The following ZNF407 variants were observed in gnomAD, a reference collection of about 807,000 sequenced individuals.
ZNF407 encodes the protein zinc finger protein 407.
In ZNF407, 17 loss-of-function variants were observed where a neutral mutation model predicts 131.2. The observed-to-expected ratio is 0.13, with a 90% CI of 0.09 to 0.19. ZNF407 has a LOEUF of 0.19. ZNF407 is among the 10% of genes least tolerant of loss of function. ZNF407 has a pLI of 1.00. For missense variants in ZNF407, 2,681 were observed against 2,830.6 expected (o/e 0.95, Z 1.20); for synonymous variants, 1,156 against 1,062.0 (o/e 1.09, Z -1.72).
rs1170190899 is a variant in ZNF407 at position 74,632,622 on chromosome 18, C to A, written c.1603C>A (p.Gln535Lys). The A allele has an allele frequency of 6.2e-7, 1 of 1,613,860 alleles. No individual in the cohort carries two copies. Among genetic ancestry groups the A allele is most frequent in the Admixed American group, 1.7e-5 (1 of 60,004 alleles). ...GTTGTGTGCTTGTACAGACTGTGGG[C>A]AAGTAGCTACAAATAGGACAGATTT... ...QTLCACTDCG[Q>K]VATNRTDLEI... The change falls in exon 2 of 9, where the codon CAA (glutamine) becomes AAA (lysine). Residue 535 changes from glutamine (Q) to lysine (K), a missense_variant. This residue lies in a region of ZNF407 where 1,789 missense variants were observed against 1,748.7 expected (regional missense o/e 1.02). Transcript: ENST00000299687.
intron 3 of ZNF407, among the ~76,000 whole-genome samples, chr18:74,673,112 A>G (rs1322917440): frequency 6.6e-6 from 1 of 152,166 alleles, no homozygotes; most frequent in Non-Finnish European, 1.5e-5. Context: ...TTCTGCATTC[A>G]ATTGACAGTA....
chr18:75,053,594 GC>G lies in ZNF407; in HGVS notation c.5429-9553del, dbSNP rs1263253734. On this transcript the variant is annotated intron_variant, in intron 8 of 8. Coordinates refer to ENST00000299687, the MANE Select transcript of ZNF407 (RefSeq NM_017757.3). Reference sequence around the variant, plus strand: ...TCCCAGGGGTATGTTATTCTGTAGAGCCCAAGCCACAGATACTCTGCAACTT... The same window carrying G: ...TCCCAGGGGTATGTTATTCTGTAGAGCCAAGCCACAGATACTCTGCAACTT... 2.0e-5 allele frequency among the ~76,000 whole-genome samples: 3 copies of G among 152,278 alleles called. No homozygotes were observed. In the South Asian group the frequency reaches 6.2e-4, roughly 32 times the overall value.
At chr18:74,922,598 A>G (rs1254560184) in intron 8 of ZNF407, among the ~76,000 whole-genome samples, 1 of 152,234 alleles carries the variant, frequency 6.6e-6, no homozygotes, top group Admixed American at 6.5e-5. Context: ...ATTTGAAAAC[A>G]GTTCTGCAGA....
chr18:74,788,590 CT>C (rs1213765449), intron 4 of ZNF407, among the ~76,000 whole-genome samples: 5 of 143,170 alleles, frequency 3.5e-5, no homozygotes, highest in Non-Finnish European at 7.6e-5. Flanking sequence ...AATACTGTTT[CT>C]TTTAGTACAT....
chr18:74,888,785 G>T (rs1489294455), intron 6 of ZNF407, among the ~76,000 whole-genome samples: 2 of 152,170 alleles, frequency 1.3e-5, no homozygotes, highest in African/African-American at 4.8e-5. Context: ...GGGTAGGAAT[G>T]ATTTAAAGGA....
intron 8 of ZNF407, among the ~76,000 whole-genome samples, chr18:74,939,294 C>A (rs1599254708): frequency 6.6e-6 from 1 of 152,094 alleles, no homozygotes; most frequent in East Asian, 1.9e-4. Flanking sequence ...GAAAATTGAT[C>A]ATTATTTTAG....
At chr18:74,900,546 T>C (rs994902515) in intron 7 of ZNF407, among the ~76,000 whole-genome samples, 1 of 152,232 alleles carries the variant, frequency 6.6e-6, no homozygotes, top group African/African-American at 2.4e-5. Context: ...GCTAACAGTT[T>C]AGTGTAATCA....
At chr18:74,755,536 T>TCTCCCTCCCCTC (rs1968911264) in intron 3 of ZNF407, among the ~76,000 whole-genome samples, 1 of 99,150 alleles carries the variant, frequency 1.0e-5, no homozygotes, top group Admixed American at 1.2e-4. Flanking sequence ...TCTTTCCCTC[T>TCTCCCTCCCCTC]CTCCCTCCCT....
rs949426146 is a variant in ZNF407, at chr18:74,999,803, T to C, written c.5429-63347T>C. 3.0e-4 allele frequency among the ~76,000 whole-genome samples: 46 copies of C among 152,364 alleles called. 1 individual carries two copies. The highest frequency in any genetic ancestry group is 9.4e-4 in the African/African-American group (39 of 41,588). On this transcript the variant is annotated intron_variant, in intron 8 of 8. Transcript: ENST00000299687. Reference sequence around the variant, plus strand: ...TAGCCAAGATGACTGCATTTCAACATTGTCACTTTATTTTGCAACTTTAAT... The same window carrying C: ...TAGCCAAGATGACTGCATTTCAACACTGTCACTTTATTTTGCAACTTTAAT...
At chr18:75,030,513 G>A (rs943240432) in intron 8 of ZNF407, among the ~76,000 whole-genome samples, 3 of 152,200 alleles carry the variant, frequency 2.0e-5, no homozygotes, top group Non-Finnish European at 4.4e-5. Flanking sequence ...AATTTCTGCA[G>A]GCTGATAAAG....
At chr18:74,821,775 G>A (rs889617870) in intron 4 of ZNF407, among the ~76,000 whole-genome samples, 1 of 152,050 alleles carries the variant, frequency 6.6e-6, no homozygotes, top group African/African-American at 2.4e-5. Context: ...TAATCCTTTG[G>A]GTATATACCC....
chr18:74,624,843 G>A (rs1049315943), intron 1 of ZNF407, among the ~76,000 whole-genome samples: 21 of 152,308 alleles, frequency 1.4e-4, no homozygotes, highest in African/African-American at 4.3e-4. Context: ...CTCAACAAAC[G>A]ACAAACAGTT....
intron 7 of ZNF407, among the ~76,000 whole-genome samples, chr18:74,903,438 A>G (rs534721591): frequency 3.3e-5 from 5 of 152,232 alleles, no homozygotes; most frequent in South Asian, 2.1e-4. Flanking sequence ...TTTTGGGAAT[A>G]TATTTCTGTC....
intron 4 of ZNF407, among the ~76,000 whole-genome samples, chr18:74,863,175 C>T (rs2145162079): frequency 6.6e-6 from 1 of 151,894 alleles, no homozygotes; most frequent in Non-Finnish European, 1.5e-5. Flanking sequence ...CCCACCTCGG[C>T]CTCCCAAATT....
At position 74,885,048 on chromosome 18, in the gene ZNF407, A is replaced by G. The variant is rs566957818; in HGVS notation, c.5128+3929A>G. ...GAATGGAATAAGGAGACATCAGAAT[A>G]TATTTGTGAATTTGCATAATGAACA... On this transcript the variant is annotated intron_variant, in intron 6 of 8. Coordinates refer to ENST00000299687, the MANE Select transcript of ZNF407 (RefSeq NM_017757.3). Among the ~76,000 whole-genome samples, 23 of 152,278 alleles carry G rather than the reference A, an allele frequency of 1.5e-4. 1 individual carries two copies. Among genetic ancestry groups the G allele is most frequent in the African/African-American group, 5.1e-4 (21 of 41,568 alleles).
chr18:74,893,070 G>A (rs1037863462), intron 7 of ZNF407, among the ~76,000 whole-genome samples: 1 of 152,096 alleles, frequency 6.6e-6, no homozygotes, highest in Admixed American at 6.5e-5. Flanking sequence ...CTAAGGTTGA[G>A]ATCATATTAC....
At chr18:74,833,444 G>A (rs929857580) in intron 4 of ZNF407, among the ~76,000 whole-genome samples, 50 of 152,158 alleles carry the variant, frequency 3.3e-4, no homozygotes, top group African/African-American at 1.1e-3. Flanking sequence ...TGTCAAGAAC[G>A]ACCTCAGTGA....
chr18:74,621,430 G>T (rs1313395786), intron 1 of ZNF407, among the ~76,000 whole-genome samples: 1 of 152,078 alleles, frequency 6.6e-6, no homozygotes, highest in Non-Finnish European at 1.5e-5. Flanking sequence ...TGTTGTGGGG[G>T]TTGCTGTCCT....
intron 5 of ZNF407, among the ~76,000 whole-genome samples, chr18:74,879,194 A>G (rs560439156): frequency 1.3e-5 from 2 of 152,276 alleles, no homozygotes; most frequent in South Asian, 2.1e-4. Flanking sequence ...ATGCTTGTTC[A>G]TGTTTCTATT....
Sources: gnomAD v4.1 joint callset for allele counts (sites outside exome capture counted in the v4.1 genomes callset) on GRCh38, gnomAD v4.1.1 for gene constraint, gnomAD v4.1.1 regional missense constraint, MANE v1.5 for transcripts, NCBI Gene and HGNC (gene_info 2026-07-23, HGNC 2026-07-21) for gene names.